The following SMARCA1 variants were observed in gnomAD, a reference collection of about 807,000 sequenced individuals.
SMARCA1 encodes the protein SWI/SNF-related matrix-associated actin-dependent regulator of chromatin subfamily A member 1.
In SMARCA1, 17 loss-of-function variants were observed where a neutral mutation model predicts 93.6. The observed-to-expected ratio is 0.18, with a 90% CI of 0.12 to 0.27. The LOEUF is 0.27. SMARCA1 is among the 10% of genes least tolerant of loss of function. The probability of loss-of-function intolerance (pLI) is 1.00; values close to 1 mark genes in which losing one functional copy is unlikely to be tolerated. For missense variants in SMARCA1, 630 were observed against 819.0 expected, an observed-to-expected ratio of 0.77 and a Z score of 2.82; for synonymous variants, 271 against 271.4, an observed-to-expected ratio of 1.00 and a Z score of 0.01.
chrX:129,508,037 A>G lies in SMARCA1; in HGVS notation c.870T>C (p.Tyr290=), dbSNP rs756633568. 13 of 1,181,320 alleles carry G rather than the reference A, an allele frequency of 1.1e-5. No homozygotes were observed. The highest frequency in any genetic ancestry group is 1.3e-5 in the Non-Finnish European group (11 of 872,717). Reference sequence around the variant, plus strand: ...CAGATTTTTCTTTAATTACCATCTCATAAGAAGTAACGCAAACATCCCACT... The same window carrying G: ...CAGATTTTTCTTTAATTACCATCTCGTAAGAAGTAACGCAAACATCCCACT... ...PGEWDVCVTS[Y]EMVIKEKSVF... is the part of the protein sequence containing the mutation. The change falls in exon 7 of 25, where the codon TAT becomes TAC. Residue 290 remains tyrosine, a synonymous_variant. Transcript: ENST00000371121.
chrX:129,472,780 T>G (rs1933194921), intron 19 of SMARCA1, among the ~76,000 whole-genome samples: 1 of 112,254 alleles, frequency 8.9e-6, no homozygotes, highest in African/African-American at 3.2e-5. Flanking sequence ...GTTGAGCATT[T>G]CTAACTTGAG....
chrX:129,504,633 G>C (rs1328938355), intron 9 of SMARCA1, 101 bp downstream of exon 9: 1 of 370,185 alleles, frequency 2.7e-6, no homozygotes, highest in Non-Finnish European at 4.6e-6. Context: ...ATTGAGCCAA[G>C]AGGCAAACAC....
At chrX:129,521,209 A>G (rs1935381303) in intron 1 of SMARCA1, among the ~76,000 whole-genome samples, 1 of 111,986 alleles carries the variant, frequency 8.9e-6, no homozygotes, top group Admixed American at 9.4e-5. Context: ...TTAAAAATCA[A>G]CACAACACTG....
intron 9 of SMARCA1, 54 bp downstream of exon 9, chrX:129,504,680 G>T: frequency 1.2e-6 from 1 of 848,045 alleles, no homozygotes; most frequent in Non-Finnish European, 1.7e-6. Flanking sequence ...TGTTTTCTGG[G>T]TCAGTTTGTG....
chrX:129,472,160 A>AT (rs1222259040), intron 19 of SMARCA1, among the ~76,000 whole-genome samples: 4 of 112,104 alleles, frequency 3.6e-5, no homozygotes, highest in Non-Finnish European at 7.5e-5. Flanking sequence ...GGGCTGAACT[A>AT]TACTGTGTGT....
chrX:129,468,564 G>A (rs1932988162), intron 21 of SMARCA1, among the ~76,000 whole-genome samples: 1 of 112,024 alleles, frequency 8.9e-6, no homozygotes, highest in East Asian at 2.8e-4. Context: ...TTTTAGCTAG[G>A]TGATAGAGAC....
At chrX:129,515,114 C>G (rs1042237258) in intron 5 of SMARCA1, among the ~76,000 whole-genome samples, 37 of 111,521 alleles carry the variant, frequency 3.3e-4, no homozygotes, top group African/African-American at 1.1e-3. Context: ...TCTGTGCTTC[C>G]TGGAAGCCAA....
At chrX:129,478,216 T>A (rs1050142728) in intron 19 of SMARCA1, among the ~76,000 whole-genome samples, 3 of 112,166 alleles carry the variant, frequency 2.7e-5, no homozygotes, top group African/African-American at 9.7e-5. Flanking sequence ...TACATTGTAG[T>A]ATCTAATGCC....
chrX:129,498,564 A>C (rs1205359329), intron 10 of SMARCA1, among the ~76,000 whole-genome samples: 2 of 111,333 alleles, frequency 1.8e-5, no homozygotes, highest in African/African-American at 6.5e-5. Context: ...GCTGAGTGCA[A>C]GTGCCAAGTA....
intron 9 of SMARCA1, among the ~76,000 whole-genome samples, chrX:129,501,859 C>T (rs760693364): frequency 1.8e-5 from 2 of 111,519 alleles, no homozygotes; most frequent in Admixed American, 1.9e-4. Context: ...ATGATCCACC[C>T]GCCTCGGCCT....
intron 23 of SMARCA1, among the ~76,000 whole-genome samples, chrX:129,450,943 A>G (rs1932260934): frequency 8.9e-6 from 1 of 111,852 alleles, no homozygotes; most frequent in Non-Finnish European, 1.9e-5. Context: ...AAGATACAAA[A>G]TAAGATCAAC....
chrX:129,468,982 A>G, intron 20 of SMARCA1, 77 bp from the exon 21 acceptor site: 1 of 608,696 alleles, frequency 1.6e-6, no homozygotes, highest in Non-Finnish European at 2.4e-6. Context: ...ACTTCTATAC[A>G]ATGATACATT....
At position 129,447,066 on chromosome X, in the gene SMARCA1, C is replaced by T; in HGVS notation, c.*96G>A. On this transcript the variant is annotated 3_prime_UTR_variant, in exon 25 of 25. Coordinates refer to ENST00000371121, the MANE Select transcript of SMARCA1 (RefSeq NM_001282874.2). ...AGAAATCAAAACCAAAGAGATTTTTCTTAGAGTACCATGAATACACTGGAA... is the reference window on the plus strand; with the variant it reads ...AGAAATCAAAACCAAAGAGATTTTTTTTAGAGTACCATGAATACACTGGAA... 1.6e-6 allele frequency: 1 copy of T among 638,577 alleles called. No homozygotes were observed. The highest frequency in any genetic ancestry group is 2.3e-6 in the Non-Finnish European group (1 of 429,704). 52.6% of individuals were successfully genotyped at this position (638,577 alleles called of 1,213,427 possible). A position where few individuals can be genotyped will look rare whatever the true frequency, so the allele number is the denominator to read the frequency against.
chrX:129,456,293 A>G (rs980487837), intron 23 of SMARCA1, among the ~76,000 whole-genome samples: 3 of 111,828 alleles, frequency 2.7e-5, no homozygotes, highest in African/African-American at 9.7e-5. Flanking sequence ...CCTCAAAAAA[A>G]GATTCCTTTT....
intron 23 of SMARCA1, among the ~76,000 whole-genome samples, chrX:129,464,435 C>T (rs953049312): frequency 2.7e-5 from 3 of 112,167 alleles, no homozygotes; most frequent in East Asian, 2.8e-4. Context: ...GTCTTAATTA[C>T]CTTGGCTGAC....
intron 19 of SMARCA1, among the ~76,000 whole-genome samples, chrX:129,478,241 G>T (rs1313108931): frequency 8.9e-6 from 1 of 111,835 alleles, no homozygotes; most frequent in East Asian, 2.8e-4. Flanking sequence ...TCCTCTATTA[G>T]AATGTAAGCT....
chrX:129,477,414 G>A (rs1253822216), intron 19 of SMARCA1, among the ~76,000 whole-genome samples: 1 of 110,732 alleles, frequency 9.0e-6, no homozygotes, highest in Admixed American at 9.6e-5. Flanking sequence ...TTAGCTGGGC[G>A]TAGTGGCATG....
intron 13 of SMARCA1, 38 bp from the exon 14 acceptor site, chrX:129,492,131 GA>G (rs1934152273): frequency 1.1e-6 from 1 of 908,189 alleles, no homozygotes; most frequent in African/African-American, 2.0e-5. Context: ...AAGAAAAAGA[GA>G]AAAATAAAAT....
chrX:129,497,870 T>G lies in SMARCA1; in HGVS notation c.1479A>C (p.Lys493Asn), dbSNP rs765230006. The G allele has an allele frequency of 8.3e-7, 1 of 1,205,008 alleles. No individual in the cohort carries two copies. The highest frequency in any genetic ancestry group is 1.1e-6 in the Non-Finnish European group (1 of 889,462). Reference sequence around the variant, plus strand: ...CCTGTTCTTTGAGTTTGGCCAATAGTTTATCCAGAACTACCATTTTACCAC... The same window carrying G: ...CCTGTTCTTTGAGTTTGGCCAATAGGTTATCCAGAACTACCATTTTACCAC... Reference protein sequence around the residue: ...SNSGKMVVLDKLLAKLKEQGS... With the variant: ...SNSGKMVVLDNLLAKLKEQGS... The change falls in exon 11 of 25, where the codon AAA (lysine) becomes AAC (asparagine). Residue 493 changes from lysine to asparagine, a missense_variant. This residue lies in a region of SMARCA1 where 382 missense variants were observed against 537.9 expected (regional missense o/e 0.71). Coordinates refer to ENST00000371121, the MANE Select transcript of SMARCA1 (RefSeq NM_001282874.2).
Sources: gnomAD v4.1 joint callset for allele counts (sites outside exome capture counted in the v4.1 genomes callset) on GRCh38, gnomAD v4.1.1 for gene constraint, gnomAD v4.1.1 regional missense constraint, MANE v1.5 for transcripts, NCBI Gene and HGNC (gene_info 2026-07-23, HGNC 2026-07-21) for gene names.